The following CDH20 variants were observed in gnomAD, a reference collection of about 807,000 sequenced individuals.
The protein encoded by CDH20 is cadherin 20.
CDH20 carries 29 observed loss-of-function variants against 74.2 expected under a neutral mutation model. The ratio of observed to expected loss-of-function variants is 0.39; its 90% CI spans 0.29 to 0.53. CDH20 has a LOEUF of 0.53. Among genes scored for constraint, CDH20 ranks in the 20% least tolerant of loss-of-function variants. The pLI is 0.69. For missense variants in CDH20, 988 were observed against 1,048.3 expected (o/e 0.94, Z 0.79); for synonymous variants, 469 against 405.4 (o/e 1.16, Z -1.88).
Position 61,542,593 on chromosome 18 carries a change from G to A in CDH20, c.1531-2434G>A, listed in dbSNP as rs140782259. On this transcript the variant is annotated intron_variant, in intron 9 of 11. Transcript: ENST00000262717. ...TCACATTAATTAGTCACTGGATGTCGCCCTGGAAGGATGTGGTGACCATGG... is the reference window on the plus strand; with the variant it reads ...TCACATTAATTAGTCACTGGATGTCACCCTGGAAGGATGTGGTGACCATGG... 2.5e-4 allele frequency among the ~76,000 whole-genome samples: 38 copies of A among 152,326 alleles called. No individual in the cohort carries two copies. In the Middle Eastern group the frequency reaches 0.014, roughly 55 times the overall value.
At chr18:61,545,279 T>C (rs1913204023) in intron 10 of CDH20, 135 bp downstream of exon 10, 1 of 960 alleles carries the variant, frequency 1.0e-3, no homozygotes, top group East Asian at 0.17. Context: ...ATTCAGTGTA[T>C]TTTTTTTTTT....
chr18:61,353,780 A>T lies in CDH20; in HGVS notation c.-153+19953A>T, dbSNP rs1380945705. 1.3e-5 allele frequency among the ~76,000 whole-genome samples: 2 copies of T among 151,806 alleles called. No homozygotes were observed. Among genetic ancestry groups the T allele is most frequent in the Non-Finnish European group, 2.9e-5 (2 of 67,884 alleles). ...CTTTAAACTTATGTTAATAAAAGTT[A>T]AAAAAAATCTTTCAGTTCCAGCCAG... is the stretch of plus-strand genomic sequence containing the variant. On this transcript the variant is annotated intron_variant, in intron 1 of 11. Transcript: ENST00000262717. The surrounding 1 kb of genome is among the most constrained non-coding windows in gnomAD (Gnocchi z 4.6).
intron 1 of CDH20, among the ~76,000 whole-genome samples, chr18:61,395,060 T>G (rs767000366): frequency 1.3e-5 from 2 of 152,068 alleles, no homozygotes; most frequent in African/African-American, 2.4e-5. Context: ...GACTTTGAGT[T>G]GTTCAAGACT....
intron 1 of CDH20, chr18:61,405,129 T>C (rs1599062706): frequency 1.6e-6 from 1 of 628,490 alleles, no homozygotes; most frequent in East Asian, 3.6e-5. Flanking sequence ...CAGCACATGC[T>C]TCTCACTTTT....
intron 1 of CDH20, among the ~76,000 whole-genome samples, chr18:61,471,884 G>C (rs1411496659): frequency 6.6e-6 from 1 of 152,118 alleles, no homozygotes; most frequent in Non-Finnish European, 1.5e-5. Context: ...ACTAAGTAAT[G>C]GTAAGTGAAA....
Position 61,502,991 on chromosome 18 carries a change from G to A in CDH20, c.700G>A (p.Ala234Thr), listed in dbSNP as rs1182153061. Residue 234 changes from alanine (A) to threonine (T), a missense_variant, in exon 5 of 12, where the codon GCC becomes ACC. By Grantham distance (58) the Ala-to-Thr change is moderately conservative (BLOSUM62 0). This residue lies in a region of CDH20 where 613 missense variants were observed against 755.2 expected (regional missense o/e 0.81). Coordinates refer to ENST00000262717, the MANE Select transcript of CDH20 (RefSeq NM_031891.4). ...AGCGCTCATGAACATGGACAGAGAA[G>A]CCAAAGAATACTACGAAGTGATTAT... The part of the protein sequence containing the change: ...RTALMNMDRE[A>T]KEYYEVIIQA... 1 of 1,613,912 alleles carries A rather than the reference G, an allele frequency of 6.2e-7. No homozygotes were observed. The highest frequency in any genetic ancestry group is 1.7e-5 in the Admixed American group (1 of 59,988).
intron 1 of CDH20, among the ~76,000 whole-genome samples, chr18:61,359,973 CA>C (rs1333866295): frequency 4.6e-5 from 7 of 152,148 alleles, no homozygotes; most frequent in Non-Finnish European, 1.0e-4. Context: ...AAATTGTTAG[CA>C]ACATCCTAAA....
chr18:61,374,155 C>A (rs1450953112), intron 1 of CDH20, among the ~76,000 whole-genome samples: 1 of 151,986 alleles, frequency 6.6e-6, no homozygotes, highest in African/African-American at 2.4e-5. Flanking sequence ...GATTTTTCAC[C>A]CTTGGTAGCC....
chr18:61,442,639 T>C (rs146000674), intron 1 of CDH20, among the ~76,000 whole-genome samples: 136 of 152,282 alleles, frequency 8.9e-4, no homozygotes, highest in African/African-American at 3.2e-3. Context: ...CTGCAGACTA[T>C]TATGTGCTTT....
chr18:61,552,654 C>A (rs564063141), intron 11 of CDH20, among the ~76,000 whole-genome samples: 9 of 152,306 alleles, frequency 5.9e-5, no homozygotes, highest in African/African-American at 9.6e-5. Context: ...GTGGCTCTAA[C>A]AGCCCTTATC....
intron 1 of CDH20, among the ~76,000 whole-genome samples, chr18:61,371,040 T>C (rs945711987): frequency 6.6e-6 from 1 of 152,110 alleles, no homozygotes; most frequent in Non-Finnish European, 1.5e-5. Context: ...CAACTCTTTG[T>C]TGATGGGGCC....
Position 61,499,276 on chromosome 18 carries a change from A to G in CDH20, c.337A>G (p.Thr113Ala). Residue 113 changes from threonine (T) to alanine (A), a missense_variant, in exon 3 of 12, where the codon ACT (threonine) becomes GCT (alanine). Physicochemically the swap from Thr to Ala is moderately conservative, Grantham distance 58. This residue lies in a region of CDH20 where 613 missense variants were observed against 755.2 expected (regional missense o/e 0.81). Transcript: ENST00000262717. ...CATCGTGTTTACCATCGACGACACC[A>G]CTGGAGACATCCACGCCATTCAGAG... ...AGIVFTIDDTTGDIHAIQRLD... is the reference protein window; with the variant it reads ...AGIVFTIDDTAGDIHAIQRLD... The G allele has an allele frequency of 6.2e-6, 10 of 1,614,040 alleles. No individual in the cohort carries two copies. In the Middle Eastern group the frequency reaches 1.7e-3, roughly 267 times the overall value.
chr18:61,382,127 C>T (rs998261373), intron 1 of CDH20, among the ~76,000 whole-genome samples: 8 of 152,190 alleles, frequency 5.3e-5, no homozygotes, highest in African/African-American at 1.9e-4. Context: ...CATCTAACTC[C>T]AATCCATCAT....
intron 10 of CDH20, among the ~76,000 whole-genome samples, chr18:61,545,903 C>G (rs1913231463): frequency 6.6e-6 from 1 of 152,120 alleles, no homozygotes; most frequent in South Asian, 2.1e-4. Context: ...ATTCTAGGCC[C>G]CTTTTTTCCA....
chr18:61,376,853 G>A (rs1804132178), intron 1 of CDH20, among the ~76,000 whole-genome samples: 1 of 152,100 alleles, frequency 6.6e-6, no homozygotes, highest in Non-Finnish European at 1.5e-5. Flanking sequence ...AGGAATAGGT[G>A]CGTATGCAGG....
At chr18:61,448,898 A>T (rs192713005) in intron 1 of CDH20, among the ~76,000 whole-genome samples, 1 of 152,284 alleles carries the variant, frequency 6.6e-6, no homozygotes, top group Non-Finnish European at 1.5e-5. Context: ...TCTACGTAAA[A>T]TCAATTCTAA....
chr18:61,438,467 A>G (rs935376586), intron 1 of CDH20, among the ~76,000 whole-genome samples: 5 of 152,196 alleles, frequency 3.3e-5, no homozygotes, highest in African/African-American at 1.2e-4. Context: ...TTTAAAGAAT[A>G]AATCCACAGG....
chr18:61,488,341 CCAAAGGTAT>C (rs1910840338), intron 1 of CDH20, among the ~76,000 whole-genome samples: 1 of 151,992 alleles, frequency 6.6e-6, no homozygotes, highest in Admixed American at 6.6e-5. Flanking sequence ...AATTCTGGCC[CCAAAGGTAT>C]CCATAAAATA....
chr18:61,526,929 C>A (rs1317596951), intron 6 of CDH20, among the ~76,000 whole-genome samples: 1 of 152,068 alleles, frequency 6.6e-6, no homozygotes, highest in Non-Finnish European at 1.5e-5. Flanking sequence ...GCCTGTAATC[C>A]CAGCACTTTG....
Sources: gnomAD v4.1 joint callset for allele counts (sites outside exome capture counted in the v4.1 genomes callset) on GRCh38, gnomAD v4.1.1 for gene constraint, gnomAD v4.1.1 regional missense constraint, Gnocchi (gnomAD v3.1) non-coding constraint, MANE v1.5 for transcripts, NCBI Gene and HGNC (gene_info 2026-07-23, HGNC 2026-07-21) for gene names.